The following SMYD3 variants were observed in gnomAD, a reference collection of about 807,000 sequenced individuals.
SMYD3 encodes the protein histone-lysine N-methyltransferase SMYD3.
In SMYD3, 36 loss-of-function variants were observed where a neutral mutation model predicts 57.7. The ratio of observed to expected loss-of-function variants is 0.62; its 90% confidence interval spans 0.48 to 0.82. The LOEUF (loss-of-function observed/expected upper bound fraction) is 0.82. Among genes scored for constraint, SMYD3 ranks in the 40% least tolerant of loss-of-function variants. The pLI, the probability that SMYD3 is intolerant of heterozygous loss-of-function variation, is 0.00. For missense variants in SMYD3, 515 were observed against 538.8 expected (o/e 0.96, Z 0.44); for synonymous variants, 211 against 195.0 (o/e 1.08, Z -0.68).
chr1:245,846,854 G>A lies in SMYD3; in HGVS notation c.1076+11642C>T, dbSNP rs148615468. ...TTATCTCACGTTGGGAGGACATTAC[G>A]GTGCTATTTCCAATTACAGGTGAGA... On this transcript the variant is annotated intron_variant, in intron 10 of 11. Coordinates refer to ENST00000490107, the MANE Select transcript of SMYD3 (RefSeq NM_001167740.2). Among the ~76,000 whole-genome samples, 594 of 152,318 alleles carry A rather than the reference G, an allele frequency of 3.9e-3. 3 individuals carry two copies. Among genetic ancestry groups the A allele is most frequent in the African/African-American group, 0.013 (543 of 41,570 alleles).
chr1:246,443,979 A>G (rs912670344), intron 1 of SMYD3, among the ~76,000 whole-genome samples: 8 of 152,156 alleles, frequency 5.3e-5, no homozygotes, highest in Admixed American at 1.3e-4. Flanking sequence ...CATCACCACC[A>G]CAGACAGACA....
chr1:246,250,936 G>T (rs192320987), intron 5 of SMYD3, among the ~76,000 whole-genome samples: 2 of 152,214 alleles, frequency 1.3e-5, no homozygotes, highest in African/African-American at 4.8e-5. Flanking sequence ...CATAAGTTTG[G>T]CAATTTGTTT....
At chr1:245,770,147 T>C (rs1430905374) in intron 10 of SMYD3, among the ~76,000 whole-genome samples, 2 of 152,228 alleles carry the variant, frequency 1.3e-5, no homozygotes, top group Non-Finnish European at 2.9e-5. Flanking sequence ...AAAGTATTTT[T>C]AAGAATCTGT....
At chr1:246,348,167 G>A (rs1468659033) in intron 2 of SMYD3, among the ~76,000 whole-genome samples, 1 of 150,982 alleles carries the variant, frequency 6.6e-6, no homozygotes, top group Non-Finnish European at 1.5e-5. Flanking sequence ...TGTAATCCCA[G>A]CACTTTGGGA....
intron 5 of SMYD3, among the ~76,000 whole-genome samples, chr1:246,233,987 A>G (rs2063469844): frequency 7.1e-6 from 1 of 140,952 alleles, no homozygotes; most frequent in African/African-American, 2.6e-5. Context: ...TTCAATTCAC[A>G]CTGTGATGAA....
At chr1:246,331,017 C>T (rs1356249632) in intron 3 of SMYD3, among the ~76,000 whole-genome samples, 1 of 152,148 alleles carries the variant, frequency 6.6e-6, no homozygotes. Context: ...CACCTGTAGT[C>T]CCAGCTACTC....
At chr1:246,442,410 G>A (rs892194628) in intron 1 of SMYD3, among the ~76,000 whole-genome samples, 36 of 152,142 alleles carry the variant, frequency 2.4e-4, no homozygotes, top group African/African-American at 6.7e-4. Context: ...TCAGCTGGGC[G>A]TGGTGACGCA....
rs34378287 is a variant in SMYD3 at position 246,363,834 on chromosome 1, T to A, written c.165-8740A>T. 3.8e-3 allele frequency among the ~76,000 whole-genome samples: 580 copies of A among 152,194 alleles called. 6 individuals carry two copies. The highest frequency in any genetic ancestry group is 2.8e-3 in the Non-Finnish European group (190 of 67,996). ...AGGAAAACCAGAGACCTTTGTTCAC[T>A]TGTTTATCTGCTGACCTTCCCTCCA... On this transcript the variant is annotated intron_variant, in intron 1 of 11. Transcript: ENST00000490107.
At chr1:246,459,183 T>TGATAGTTCTCGC (rs1428918978) in intron 1 of SMYD3, among the ~76,000 whole-genome samples, 2 of 148,986 alleles carry the variant, frequency 1.3e-5, no homozygotes, top group East Asian at 4.1e-4. Flanking sequence ...GCTGTTCTCG[T>TGATAGTTCTCGC]GATAGTTCTC....
chr1:246,402,933 C>T (rs1346735668), intron 1 of SMYD3, among the ~76,000 whole-genome samples: 1 of 152,136 alleles, frequency 6.6e-6, no homozygotes, highest in East Asian at 1.9e-4. Flanking sequence ...TACTTAAGTT[C>T]TATTATGCAC....
chr1:246,149,748 C>T (rs1285150826), intron 5 of SMYD3, among the ~76,000 whole-genome samples: 1 of 152,148 alleles, frequency 6.6e-6, no homozygotes, highest in Non-Finnish European at 1.5e-5. Context: ...GCCAAGTAGA[C>T]AGAATATTAA....
chr1:246,492,827 G>T (rs967952333), intron 1 of SMYD3, among the ~76,000 whole-genome samples: 1 of 152,168 alleles, frequency 6.6e-6, no homozygotes, highest in African/African-American at 2.4e-5. Context: ...CTGCCACCTC[G>T]TGGGTCAGCA....
intron 5 of SMYD3, among the ~76,000 whole-genome samples, chr1:246,155,114 A>G (rs923066353): frequency 1.3e-5 from 2 of 152,124 alleles, no homozygotes; most frequent in Admixed American, 1.3e-4. Context: ...AGAAAAATGA[A>G]TTTATGAATT....
At chr1:246,051,478 A>G (rs1349930453) in intron 5 of SMYD3, among the ~76,000 whole-genome samples, 2 of 152,154 alleles carry the variant, frequency 1.3e-5, no homozygotes, top group Admixed American at 6.6e-5. Flanking sequence ...GTTGGTCCTC[A>G]TATCTAAAAC....
chr1:246,121,379 C>T (rs1202871270), intron 5 of SMYD3, among the ~76,000 whole-genome samples: 5 of 105,076 alleles, frequency 4.8e-5, no homozygotes, highest in Non-Finnish European at 9.1e-5. Context: ...AGGGTTATTT[C>T]TTTTTCTTTG....
chr1:246,467,820 A>T (rs747085382), intron 1 of SMYD3, among the ~76,000 whole-genome samples: 1 of 152,238 alleles, frequency 6.6e-6, no homozygotes, highest in African/African-American at 2.4e-5. Flanking sequence ...AGAAAATTAC[A>T]GACAAATATC....
chr1:245,918,709 A>T (rs1189606837), intron 7 of SMYD3, among the ~76,000 whole-genome samples: 1 of 152,232 alleles, frequency 6.6e-6, no homozygotes, highest in Non-Finnish European at 1.5e-5. Context: ...TTATACTATC[A>T]GGCTCTGTGG....
chr1:245,863,754 G>A (rs926146925), intron 9 of SMYD3, 45 bp downstream of exon 9: 1 of 1,573,518 alleles, frequency 6.4e-7, no homozygotes, highest in Non-Finnish European at 8.7e-7. Context: ...AGAAAACAAG[G>A]AAACAATCCC....
intron 5 of SMYD3, among the ~76,000 whole-genome samples, chr1:246,142,564 G>T (rs1037444043): frequency 6.6e-6 from 1 of 152,184 alleles, no homozygotes; most frequent in African/African-American, 2.4e-5. Flanking sequence ...CTAATGGGTA[G>T]GTCGTGTATA....
Sources: gnomAD v4.1 joint callset for allele counts (sites outside exome capture counted in the v4.1 genomes callset) on GRCh38, gnomAD v4.1.1 for gene constraint, MANE v1.5 for transcripts, NCBI Gene and HGNC (gene_info 2026-07-23, HGNC 2026-07-21) for gene names.